RGS6: variants seen among roughly 807,000 people sequenced by gnomAD.
The protein encoded by RGS6 is regulator of G-protein signaling 6.
RGS6 carries 30 observed loss-of-function variants against 78.5 expected under a neutral mutation model. The ratio of observed to expected loss-of-function variants is 0.38; its 90% confidence interval spans 0.29 to 0.52. RGS6 has a LOEUF of 0.52. Ranked by LOEUF, RGS6 falls within the 20% of genes least tolerant of loss-of-function variation. RGS6 has a pLI of 0.85. For synonymous variants in RGS6, 206 were observed against 206.0 expected (o/e 1.00, Z 0.00); for missense variants, 495 against 609.7 (o/e 0.81, Z 1.98).
At chr14:72,160,847 A>T (rs566687753) in intron 2 of RGS6, among the ~76,000 whole-genome samples, 44 of 152,350 alleles carry the variant, frequency 2.9e-4, no homozygotes, top group African/African-American at 1.1e-3. Flanking sequence ...TAAGTCACAC[A>T]GTCTGTGGTA....
rs1230677479 is a variant in RGS6, at chr14:72,336,162, G to T, written c.85-15933G>T. On this transcript the variant is annotated intron_variant, in intron 2 of 17. Transcript: ENST00000553525. ...TACTGAGTCACTTATCTCTCAAATTGTGTGTTGTTCTAACTATATATCTAT... is the reference window on the plus strand; with the variant it reads ...TACTGAGTCACTTATCTCTCAAATTTTGTGTTGTTCTAACTATATATCTAT... Among the ~76,000 whole-genome samples, 3 of 152,168 alleles carry T rather than the reference G, an allele frequency of 2.0e-5. No individual in the cohort carries two copies. The East Asian group carries it at 5.8e-4, about 29-fold the overall frequency.
At position 72,540,113 on chromosome 14, in the gene RGS6, C is replaced by A; in HGVS notation, c.1422+19C>A. ...CAGTGTGGTAAGTTCAGTCGGTTTTCTTCCCTCAGCTTTTCTTTTGGTTTT... is the reference window on the plus strand; with the variant it reads ...CAGTGTGGTAAGTTCAGTCGGTTTTATTCCCTCAGCTTTTCTTTTGGTTTT... On this transcript the variant is annotated intron_variant, in intron 17 of 17. Transcript: ENST00000553525. The A allele has an allele frequency of 6.9e-7, 1 of 1,439,706 alleles. No individual in the cohort carries two copies. The highest frequency in any genetic ancestry group is 1.9e-5 in the Admixed American group (1 of 51,378). 89.2% of individuals were successfully genotyped at this position (1,439,706 alleles called of 1,614,324 possible). A position where few individuals can be genotyped will look rare whatever the true frequency, so the allele number is the denominator to read the frequency against.
chr14:71,907,526 C>T, the RGS6 span, among the ~76,000 whole-genome samples: 4 of 152,084 alleles, frequency 2.6e-5, no homozygotes, highest in South Asian at 2.1e-4. Context: ...GAGAGGGTCT[C>T]GGGCACAGGT....
intron 2 of RGS6, among the ~76,000 whole-genome samples, chr14:72,110,511 T>C (rs2095734448): frequency 6.6e-6 from 1 of 152,166 alleles, no homozygotes; most frequent in Admixed American, 6.5e-5. Context: ...CTGTGTCTAA[T>C]GGTCTTGTAG....
chr14:72,074,403 G>A (rs570505825), intron 2 of RGS6, among the ~76,000 whole-genome samples: 81 of 151,604 alleles, frequency 5.3e-4, no homozygotes, highest in Non-Finnish European at 1.0e-3. Context: ...TAGCTCTGTT[G>A]CTCAGGCTGG....
chr14:72,438,535 C>T (rs1039063918), intron 3 of RGS6, among the ~76,000 whole-genome samples: 1 of 152,222 alleles, frequency 6.6e-6, no homozygotes, highest in Non-Finnish European at 1.5e-5. Flanking sequence ...GTAAGCTCCA[C>T]CGTGCACCCA....
intron 2 of RGS6, among the ~76,000 whole-genome samples, chr14:72,152,472 G>A (rs2096708939): frequency 6.6e-6 from 1 of 152,174 alleles, no homozygotes; most frequent in African/African-American, 2.4e-5. Flanking sequence ...GGGCTGTGGG[G>A]CAGCAATTGA....
At position 72,465,647 on chromosome 14, in the gene RGS6, T is replaced by TGGAC. The variant is rs1206406992; in HGVS notation, c.395-108_395-107insCGGA. On this transcript the variant is annotated intron_variant, in intron 6 of 17. Transcript: ENST00000553525. ...GTGGATGGATGGATGGATGGATGGA[T>TGGAC]GGATGGATGGATGGGTGAATGGGTG... 5.4e-5 allele frequency: 39 copies of TGGAC among 722,594 alleles called. No individual in the cohort carries two copies. In the East Asian group the frequency reaches 1.1e-3, roughly 20 times the overall value. 44.8% of individuals were successfully genotyped at this position (722,594 alleles called of 1,614,324 possible).
At chr14:71,947,557 T>C (rs2091720257) in intron 1 of RGS6, among the ~76,000 whole-genome samples, 1 of 152,128 alleles carries the variant, frequency 6.6e-6, no homozygotes. Flanking sequence ...TGGTGTTGGC[T>C]CCCTGCAGCC....
intron 2 of RGS6, among the ~76,000 whole-genome samples, chr14:72,042,633 C>T (rs937879496): frequency 5.5e-5 from 5 of 90,748 alleles, no homozygotes; most frequent in African/African-American, 2.2e-4. Context: ...GATCACCAGG[C>T]TTTATATAAT....
At chr14:72,297,606 G>T in intron 2 of RGS6, among the ~76,000 whole-genome samples, 1 of 119,026 alleles carries the variant, frequency 8.4e-6, no homozygotes, top group African/African-American at 3.3e-5. Flanking sequence ...CCCAGAGTGT[G>T]GTATTCCCCT....
chr14:72,604,125 C>T, the RGS6 span, among the ~76,000 whole-genome samples: 4 of 152,116 alleles, frequency 2.6e-5, no homozygotes, highest in Non-Finnish European at 4.4e-5. Context: ...TCTGAGCCCC[C>T]AACATTGGCT....
intron 12 of RGS6, among the ~76,000 whole-genome samples, chr14:72,483,548 A>G (rs1429631837): frequency 6.6e-6 from 1 of 152,204 alleles, no homozygotes; most frequent in Non-Finnish European, 1.5e-5. Context: ...CTAAGGGTCT[A>G]TTAAAAACCT....
intron 1 of RGS6, among the ~76,000 whole-genome samples, chr14:71,933,811 A>G (rs1236539462): frequency 6.6e-6 from 1 of 152,168 alleles, no homozygotes; most frequent in Non-Finnish European, 1.5e-5. Context: ...CGCAAAAATA[A>G]TCAAGTTTAG....
intron 2 of RGS6, among the ~76,000 whole-genome samples, chr14:72,102,551 G>A (rs2095549460): frequency 6.6e-6 from 1 of 152,186 alleles, no homozygotes; most frequent in South Asian, 2.1e-4. Flanking sequence ...CTATTTTATG[G>A]ATTAGAACAT....
In RGS6 at chr14:72,476,910, A is replaced by C. The variant is rs527651729; in HGVS notation, c.792+70A>C. 20 of 1,351,318 alleles carry C rather than the reference A, an allele frequency of 1.5e-5. No individual in the cohort carries two copies. The African/African-American group carries it at 1.6e-4, about 11-fold the overall frequency. 83.7% of individuals were successfully genotyped at this position (1,351,318 alleles called of 1,614,324 possible). A position where few individuals can be genotyped will look rare whatever the true frequency, so the allele number is the denominator to read the frequency against. ...GTTTAAAAACCCTTTCAAATGTTCA[A>C]CTCTGAAGATTGAGCAAGCTTTGAG... On this transcript the variant is annotated intron_variant, in intron 11 of 17. Coordinates refer to ENST00000553525, the MANE Select transcript of RGS6 (RefSeq NM_001204424.2).
At chr14:72,181,112 A>G (rs1388836588) in intron 2 of RGS6, among the ~76,000 whole-genome samples, 2 of 152,228 alleles carry the variant, frequency 1.3e-5, no homozygotes, top group Non-Finnish European at 2.9e-5. Flanking sequence ...GTGTCTCTAC[A>G]GAATTGCTTT....
intron 2 of RGS6, among the ~76,000 whole-genome samples, chr14:71,997,029 A>G (rs1462751465): frequency 6.6e-6 from 1 of 152,140 alleles, no homozygotes; most frequent in Non-Finnish European, 1.5e-5. Flanking sequence ...TGGATTGGAG[A>G]GGACAGGGTG....
chr14:72,262,054 A>G (rs1187325014), intron 2 of RGS6, among the ~76,000 whole-genome samples: 1 of 151,334 alleles, frequency 6.6e-6, no homozygotes, highest in Admixed American at 6.6e-5. Context: ...TTTTTTTTTA[A>G]TTGCATTAGT....
Sources: gnomAD v4.1 joint callset for allele counts (sites outside exome capture counted in the v4.1 genomes callset) on GRCh38, gnomAD v4.1.1 for gene constraint, MANE v1.5 for transcripts, NCBI Gene and HGNC (gene_info 2026-07-23, HGNC 2026-07-21) for gene names.